The following EYS variants were observed in gnomAD, a reference collection of about 807,000 sequenced individuals.
EYS encodes protein eyes shut homolog.
EYS carries 250 observed loss-of-function variants against 282.1 expected under a neutral mutation model. The observed-to-expected ratio is 0.89, with a 90% CI of 0.80 to 0.98. The LOEUF is 0.98. Ranked by LOEUF, EYS falls within the 50% of genes least tolerant of loss-of-function variation. EYS has a pLI of 0.00. For synonymous variants in EYS, 1,355 were observed against 1,282.9 expected, an observed-to-expected ratio of 1.06 and a Z score of -1.20; for missense variants, 4,016 against 3,709.0, an observed-to-expected ratio of 1.08 and a Z score of -2.15.
At chr6:65,319,310 G>A (rs1231242869) in intron 11 of EYS, among the ~76,000 whole-genome samples, 2 of 149,702 alleles carry the variant, frequency 1.3e-5, no homozygotes, top group African/African-American at 4.9e-5. Context: ...AACCCAGGAA[G>A]CGGAGGTTGT....
intron 26 of EYS, among the ~76,000 whole-genome samples, chr6:64,577,977 T>C (rs952402466): frequency 2.6e-5 from 4 of 152,110 alleles, no homozygotes; most frequent in African/African-American, 4.8e-5. Flanking sequence ...GAAAATTACA[T>C]TGACTCAACC....
At chr6:64,939,156 A>G (rs1769007862) in intron 15 of EYS, among the ~76,000 whole-genome samples, 2 of 151,858 alleles carry the variant, frequency 1.3e-5, no homozygotes, top group South Asian at 4.1e-4. Flanking sequence ...CAATCTAGAA[A>G]AGCCAATATG....
chr6:63,846,343 A>T (rs1017851296), intron 36 of EYS, among the ~76,000 whole-genome samples: 1 of 152,056 alleles, frequency 6.6e-6, no homozygotes, highest in Non-Finnish European at 1.5e-5. Flanking sequence ...AGTGACAGGG[A>T]TACACTCCAA....
intron 35 of EYS, among the ~76,000 whole-genome samples, chr6:63,865,232 T>C (rs973407988): frequency 2.0e-5 from 3 of 152,240 alleles, no homozygotes; most frequent in Non-Finnish European, 4.4e-5. Flanking sequence ...TGGTAATTGA[T>C]GGTGGCGTGT....
chr6:63,840,389 GTTTTGC>G (rs1227875026), intron 36 of EYS, among the ~76,000 whole-genome samples: 1 of 151,788 alleles, frequency 6.6e-6, no homozygotes, highest in Non-Finnish European at 1.5e-5. Context: ...ATTGTTGTTT[GTTTTGC>G]TATTGAGTTG....
At chr6:64,439,638 G>A (rs182501418) in intron 26 of EYS, among the ~76,000 whole-genome samples, 37 of 151,768 alleles carry the variant, frequency 2.4e-4, no homozygotes, top group Admixed American at 9.9e-4. Flanking sequence ...TAACAGAAAA[G>A]GGCACATTTT....
intron 35 of EYS, among the ~76,000 whole-genome samples, chr6:63,889,563 GC>G (rs1487388972): frequency 6.6e-6 from 1 of 152,128 alleles, no homozygotes; most frequent in East Asian, 1.9e-4. Flanking sequence ...TTACAGACAA[GC>G]AAATGCTGAA....
chr6:63,912,525 G>A (rs1044877068), intron 35 of EYS, among the ~76,000 whole-genome samples: 4 of 152,096 alleles, frequency 2.6e-5, no homozygotes, highest in Non-Finnish European at 5.9e-5. Context: ...TACACTTAGA[G>A]CACAACTCAA....
chr6:65,000,759 C>G (rs1771436823), intron 13 of EYS, among the ~76,000 whole-genome samples: 1 of 152,184 alleles, frequency 6.6e-6, no homozygotes, highest in South Asian at 2.1e-4. Flanking sequence ...CACTGGAAGA[C>G]AGAGCAAGAC....
chr6:65,420,064 T>G (rs1470323471), intron 5 of EYS, among the ~76,000 whole-genome samples: 2 of 152,030 alleles, frequency 1.3e-5, no homozygotes, highest in African/African-American at 4.8e-5. Flanking sequence ...ATGTTCATGG[T>G]CACTGATGGA....
chr6:65,538,557 T>C (rs1038271201), intron 2 of EYS, among the ~76,000 whole-genome samples: 2 of 152,108 alleles, frequency 1.3e-5, no homozygotes, highest in Non-Finnish European at 2.9e-5. Flanking sequence ...ATAAAACATA[T>C]ATTGAGTATC....
intron 22 of EYS, among the ~76,000 whole-genome samples, chr6:64,670,782 G>T (rs998282435): frequency 6.6e-6 from 1 of 152,034 alleles, no homozygotes; most frequent in Non-Finnish European, 1.5e-5. Flanking sequence ...TTGTTCCCAG[G>T]CTCTACATTG....
intron 22 of EYS, among the ~76,000 whole-genome samples, chr6:64,764,791 T>G (rs1471682206): frequency 6.6e-6 from 1 of 152,128 alleles, no homozygotes; most frequent in Non-Finnish European, 1.5e-5. Flanking sequence ...CTGGCTGGAG[T>G]GCAATGGTAT....
At chr6:64,266,568 T>A (rs1240658065) in intron 30 of EYS, among the ~76,000 whole-genome samples, 1 of 152,122 alleles carries the variant, frequency 6.6e-6, no homozygotes. Context: ...ATATACCAAT[T>A]TTGGTTTAAC....
At chr6:64,719,122 T>C (rs1771490529) in intron 22 of EYS, among the ~76,000 whole-genome samples, 1 of 152,166 alleles carries the variant, frequency 6.6e-6, no homozygotes, top group Non-Finnish European at 1.5e-5. Flanking sequence ...GATGTGGGAA[T>C]GTAGGAGTCT....
intron 5 of EYS, among the ~76,000 whole-genome samples, chr6:65,453,460 G>T (rs1185630453): frequency 6.6e-6 from 1 of 151,952 alleles, no homozygotes; most frequent in Non-Finnish European, 1.5e-5. Context: ...TATCTATGCT[G>T]CATAATGACC....
chr6:64,706,827 G>A (rs1240403538), intron 22 of EYS, among the ~76,000 whole-genome samples: 1 of 151,978 alleles, frequency 6.6e-6, no homozygotes, highest in Non-Finnish European at 1.5e-5. Flanking sequence ...CATCTTGGTG[G>A]GGATGTGGTA....
chr6:64,237,027 T>C (rs1766630901), intron 30 of EYS, among the ~76,000 whole-genome samples: 2 of 152,170 alleles, frequency 1.3e-5, no homozygotes, highest in African/African-American at 4.8e-5. Flanking sequence ...TAATTTTTTA[T>C]GAATTTTGAC....
chr6:65,274,722 C>A (rs991432497), intron 12 of EYS, among the ~76,000 whole-genome samples: 27 of 152,198 alleles, frequency 1.8e-4, no homozygotes, highest in African/African-American at 6.3e-4. Flanking sequence ...ACCAAGTGAG[C>A]AAGAAGTAGC....
Sources: allele counts gnomAD v4.1 joint callset (sites outside exome capture counted in the v4.1 genomes callset), GRCh38; gene constraint gnomAD v4.1.1; transcripts MANE v1.5; gene names NCBI Gene and HGNC (gene_info 2026-07-23, HGNC 2026-07-21).